The following ATP2B4 variants were observed in gnomAD, a reference collection of about 807,000 sequenced individuals.
ATP2B4 encodes ATPase plasma membrane Ca2+ transporting 4, also known as plasma membrane calcium-transporting ATPase 4.
A neutral mutation model predicts 110.3 loss-of-function variants in ATP2B4; 39 were observed. That is an observed-to-expected ratio of 0.35 (90% confidence interval 0.27 to 0.46). ATP2B4 has a LOEUF of 0.46. Among genes scored for constraint, ATP2B4 ranks in the 20% least tolerant of loss-of-function variants. ATP2B4 has a pLI of 1.00. For missense variants in ATP2B4, 1,135 were observed against 1,530.9 expected (o/e 0.74, Z 4.32); for synonymous variants, 538 against 571.7 (o/e 0.94, Z 0.84).
At chr1:203,731,455 T>G (rs1467346238) in intron 20 of ATP2B4, among the ~76,000 whole-genome samples, 1 of 152,186 alleles carries the variant, frequency 6.6e-6, no homozygotes, top group Non-Finnish European at 1.5e-5. Flanking sequence ...ACCAGATTCA[T>G]GAAGGCTAAA....
intron 8 of ATP2B4, among the ~76,000 whole-genome samples, chr1:203,704,083 A>G (rs551325361): frequency 4.8e-4 from 73 of 152,360 alleles, no homozygotes; most frequent in Admixed American, 9.8e-4. Context: ...CATATATTAC[A>G]GCAGGGGAGA....
intron 19 of ATP2B4, among the ~76,000 whole-genome samples, chr1:203,724,335 G>A (rs555678571): frequency 6.6e-5 from 10 of 152,052 alleles, no homozygotes; most frequent in Non-Finnish European, 1.3e-4. Context: ...GGCTAACATG[G>A]TGAAACCCCG....
intron 20 of ATP2B4, among the ~76,000 whole-genome samples, chr1:203,729,116 C>CAA (rs34284926): frequency 9.7e-5 from 14 of 144,178 alleles, no homozygotes; most frequent in African/African-American, 3.0e-4. Flanking sequence ...AGAGTTGTCT[C>CAA]AAAAAAAAAA....
At chr1:203,679,316 G>T (rs1207621722) in intron 1 of ATP2B4, among the ~76,000 whole-genome samples, 1 of 152,142 alleles carries the variant, frequency 6.6e-6, no homozygotes, top group African/African-American at 2.4e-5. Context: ...AGACAGAAGT[G>T]GGGACGTCAT....
At chr1:203,717,549 G>A (rs542778106) in intron 15 of ATP2B4, among the ~76,000 whole-genome samples, 65 of 151,798 alleles carry the variant, frequency 4.3e-4, no homozygotes, top group South Asian at 1.7e-3. Context: ...TGGTTTTTTC[G>A]TTCTTTTTTA....
intron 1 of ATP2B4, among the ~76,000 whole-genome samples, chr1:203,628,625 T>G (rs1663163163): frequency 6.6e-6 from 1 of 152,120 alleles, no homozygotes; most frequent in South Asian, 2.1e-4. Flanking sequence ...CTAGAGACCC[T>G]GGCCCTGCTC....
At chr1:203,720,180 C>T (rs1666280390) in intron 15 of ATP2B4, among the ~76,000 whole-genome samples, 2 of 152,196 alleles carry the variant, frequency 1.3e-5, no homozygotes, top group South Asian at 2.1e-4. Flanking sequence ...TCAAAGGTGT[C>T]GGAATAACAT....
chr1:203,641,657 C>T (rs576191447), intron 1 of ATP2B4, among the ~76,000 whole-genome samples: 1 of 152,282 alleles, frequency 6.6e-6, no homozygotes, highest in East Asian at 1.9e-4. Context: ...ACTCTTACAA[C>T]ATGCTATGGT....
intron 12 of ATP2B4, among the ~76,000 whole-genome samples, chr1:203,711,595 T>C (rs1480253845): frequency 6.6e-6 from 1 of 152,066 alleles, no homozygotes; most frequent in African/African-American, 2.4e-5. Context: ...ATGGGCCAGG[T>C]GGGTGGAGAG....
chr1:203,707,813 G>A lies in ATP2B4; in HGVS notation c.1315-49G>A, dbSNP rs188203801. 6.9e-6 allele frequency: 11 copies of A among 1,604,970 alleles called. No individual in the cohort carries two copies. The Admixed American group carries it at 1.7e-4, about 24-fold the overall frequency. Reference sequence around the variant, plus strand: ...GAAATGGCCTTTGACCTAGATTTAGGAGAGTCCAGTTAGTCCCCCTCTCAA... The same window carrying A: ...GAAATGGCCTTTGACCTAGATTTAGAAGAGTCCAGTTAGTCCCCCTCTCAA... On this transcript the variant is annotated intron_variant, in intron 9 of 20. Transcript: ENST00000357681.
intron 1 of ATP2B4, chr1:203,657,444 A>C: frequency 1.3e-6 from 1 of 783,862 alleles, no homozygotes; most frequent in Non-Finnish European, 2.3e-6. Flanking sequence ...ATTGGAAAGT[A>C]CTTTGGCTCG....
intron 1 of ATP2B4, among the ~76,000 whole-genome samples, chr1:203,640,660 A>C (rs1411358618): frequency 6.6e-6 from 1 of 152,192 alleles, no homozygotes; most frequent in Non-Finnish European, 1.5e-5. Context: ...CATTGGTAGA[A>C]GTAATAATCG....
At chr1:203,736,562 A>G (rs928708800) in intron 20 of ATP2B4, among the ~76,000 whole-genome samples, 1 of 152,088 alleles carries the variant, frequency 6.6e-6, no homozygotes, top group African/African-American at 2.4e-5. Flanking sequence ...CTCAGCACTC[A>G]TACCCAGTCT....
At chr1:203,733,938 G>A (rs1666807250) in intron 20 of ATP2B4, among the ~76,000 whole-genome samples, 1 of 152,184 alleles carries the variant, frequency 6.6e-6, no homozygotes, top group African/African-American at 2.4e-5. Flanking sequence ...TCATAATTGA[G>A]CCAGTATTAA....
chr1:203,628,082 G>T (rs1382309071), intron 1 of ATP2B4, among the ~76,000 whole-genome samples: 2 of 152,212 alleles, frequency 1.3e-5, no homozygotes, highest in East Asian at 3.8e-4. Context: ...TGTGGGGCTG[G>T]TGAGTGTTTG....
chr1:203,634,067 A>T (rs910907628), intron 1 of ATP2B4, among the ~76,000 whole-genome samples: 4 of 152,150 alleles, frequency 2.6e-5, no homozygotes, highest in African/African-American at 7.2e-5. Flanking sequence ...AATTTTTTTA[A>T]ATTTAATTTT....
chr1:203,630,365 CTCTCTTTT>C (rs1281733848), intron 1 of ATP2B4, among the ~76,000 whole-genome samples: 3 of 93,612 alleles, frequency 3.2e-5, no homozygotes, highest in African/African-American at 7.6e-5. Flanking sequence ...CTCTCTCTCT[CTCTCTTTT>C]TTTTTTTTTT....
chr1:203,732,175 A>T (rs1176979646), intron 20 of ATP2B4, among the ~76,000 whole-genome samples: 1 of 151,238 alleles, frequency 6.6e-6, no homozygotes, highest in Non-Finnish European at 1.5e-5. Context: ...AAAAAAAAAA[A>T]AGGAAGGAAG....
At position 203,731,202 on chromosome 1, in the gene ATP2B4, T is replaced by C. The variant is rs954089271; in HGVS notation, c.3309+3631T>C. On this transcript the variant is annotated intron_variant, in intron 20 of 20. Coordinates refer to ENST00000357681, the MANE Select transcript of ATP2B4 (RefSeq NM_001684.5). Reference sequence around the variant, plus strand: ...CTCCTCAGTCCCAGGGAACTAAAACTGAATAATGTGAGGAAGCAGTGATGT... The same window carrying C: ...CTCCTCAGTCCCAGGGAACTAAAACCGAATAATGTGAGGAAGCAGTGATGT... Among the ~76,000 whole-genome samples the C allele has an allele frequency of 6.6e-5, 10 of 152,272 alleles. 1 individual carries two copies. The South Asian group carries it at 2.1e-3, about 32-fold the overall frequency.
Sources: gnomAD v4.1 joint callset for allele counts (sites outside exome capture counted in the v4.1 genomes callset) on GRCh38, gnomAD v4.1.1 for gene constraint, MANE v1.5 for transcripts, NCBI Gene and HGNC (gene_info 2026-07-23, HGNC 2026-07-21) for gene names.